Variants in CACNA2D3 observed in about 807,000 individuals in gnomAD.
CACNA2D3 encodes the protein calcium voltage-gated channel auxiliary subunit alpha2delta 3.
A neutral mutation model predicts 160.6 loss-of-function variants in CACNA2D3; 60 were observed. The observed-to-expected ratio is 0.37, with a 90% CI of 0.30 to 0.46. The LOEUF (loss-of-function observed/expected upper bound fraction) is 0.46. CACNA2D3 is among the 20% of genes least tolerant of loss of function. CACNA2D3 has a pLI of 1.00. For missense variants in CACNA2D3, 1,205 were observed against 1,365.0 expected (o/e 0.88, Z 1.85); for synonymous variants, 558 against 492.9 (o/e 1.13, Z -1.75).
intron 35 of CACNA2D3, among the ~76,000 whole-genome samples, chr3:55,045,899 C>T (rs923716160): frequency 5.3e-5 from 8 of 151,824 alleles, no homozygotes; most frequent in Non-Finnish European, 8.8e-5. Flanking sequence ...CTAATATTCT[C>T]TTCTTCATTG....
intron 2 of CACNA2D3, among the ~76,000 whole-genome samples, chr3:54,136,666 G>C (rs535994112): frequency 6.6e-6 from 1 of 152,172 alleles, no homozygotes; most frequent in Non-Finnish European, 1.5e-5. Flanking sequence ...GCCCATGCCC[G>C]TGCCATTGCC....
At chr3:54,480,024 C>T (rs938597955) in intron 4 of CACNA2D3, among the ~76,000 whole-genome samples, 1 of 152,038 alleles carries the variant, frequency 6.6e-6, no homozygotes, top group South Asian at 2.1e-4. Flanking sequence ...TTGCTCATCC[C>T]CAAACTCCAT....
intron 13 of CACNA2D3, among the ~76,000 whole-genome samples, chr3:54,793,718 C>T (rs903937885): frequency 2.0e-5 from 3 of 152,124 alleles, no homozygotes; most frequent in African/African-American, 7.2e-5. Context: ...ATTTGTTTGT[C>T]GGGTTTTAAT....
chr3:54,272,285 G>C (rs1702638191), intron 2 of CACNA2D3, among the ~76,000 whole-genome samples: 1 of 152,186 alleles, frequency 6.6e-6, no homozygotes, highest in Non-Finnish European at 1.5e-5. Context: ...CTCAAGGCTA[G>C]AGCAGTTTTG....
Position 54,645,588 on chromosome 3 carries a change from C to T in CACNA2D3, c.1167+3347C>T, listed in dbSNP as rs530429181. On this transcript the variant is annotated intron_variant, in intron 11 of 37. Coordinates refer to ENST00000474759, the MANE Select transcript of CACNA2D3 (RefSeq NM_018398.3). ...CCCACTTCACTCATATGGTTTCCCT[C>T]CCACAGGTGTGGAGTTCCTGACCAC... 2.6e-4 allele frequency among the ~76,000 whole-genome samples: 39 copies of T among 152,272 alleles called. 1 individual carries two copies. Among genetic ancestry groups the T allele is most frequent in the Middle Eastern group, 3.4e-3 (1 of 294 alleles).
At chr3:54,677,944 CAT>C (rs920070656) in intron 11 of CACNA2D3, among the ~76,000 whole-genome samples, 16 of 152,084 alleles carry the variant, frequency 1.1e-4, no homozygotes, top group Admixed American at 3.3e-4. Flanking sequence ...CTGAGGGACA[CAT>C]GTGTGATGAG....
chr3:54,284,802 A>T (rs2107467707), intron 2 of CACNA2D3, among the ~76,000 whole-genome samples: 1 of 152,360 alleles, frequency 6.6e-6, no homozygotes, highest in Non-Finnish European at 1.5e-5. Flanking sequence ...AAGATGTTCT[A>T]AAATAAGGGA....
chr3:54,793,121 G>A (rs2106651786), intron 13 of CACNA2D3, among the ~76,000 whole-genome samples: 1 of 152,340 alleles, frequency 6.6e-6, no homozygotes, highest in South Asian at 2.1e-4. Context: ...AAAGGACTGG[G>A]GAGTGAGGGA....
intron 4 of CACNA2D3, among the ~76,000 whole-genome samples, chr3:54,484,488 A>T (rs1405434382): frequency 2.0e-5 from 3 of 152,114 alleles, no homozygotes; most frequent in Non-Finnish European, 4.4e-5. Context: ...GTAACCGGGG[A>T]TGGACATCAT....
intron 13 of CACNA2D3, among the ~76,000 whole-genome samples, chr3:54,813,811 A>G (rs1575490883): frequency 6.6e-6 from 1 of 151,068 alleles, no homozygotes; most frequent in Admixed American, 6.6e-5. Flanking sequence ...GCGCAGGGAA[A>G]TGTTTTGCCA....
intron 2 of CACNA2D3, among the ~76,000 whole-genome samples, chr3:54,143,484 T>C (rs1450382080): frequency 6.6e-6 from 1 of 152,140 alleles, no homozygotes; most frequent in African/African-American, 2.4e-5. Flanking sequence ...GGCCTTGTCA[T>C]TGTTAATTTT....
chr3:54,290,996 A>G (rs1703186474), intron 2 of CACNA2D3, among the ~76,000 whole-genome samples: 1 of 152,196 alleles, frequency 6.6e-6, no homozygotes, highest in African/African-American at 2.4e-5. Context: ...AACATGGCAC[A>G]TGTATACATA....
intron 27 of CACNA2D3, among the ~76,000 whole-genome samples, chr3:54,955,869 G>A (rs1370386457): frequency 1.3e-5 from 2 of 152,168 alleles, no homozygotes; most frequent in African/African-American, 4.8e-5. Context: ...CCTGGTGAGA[G>A]TCAAGGAGCA....
chr3:54,911,616 C>G (rs1700558603), intron 27 of CACNA2D3, among the ~76,000 whole-genome samples: 1 of 152,056 alleles, frequency 6.6e-6, no homozygotes, highest in African/African-American at 2.4e-5. Flanking sequence ...CTCAGCACTT[C>G]CACTGTTCCC....
At chr3:54,839,531 C>A (rs1698774736) in intron 16 of CACNA2D3, among the ~76,000 whole-genome samples, 1 of 152,214 alleles carries the variant, frequency 6.6e-6, no homozygotes, top group African/African-American at 2.4e-5. Context: ...ACCACATCCA[C>A]CCCCTTCTCC....
At chr3:54,614,469 C>G (rs1239293458) in intron 9 of CACNA2D3, among the ~76,000 whole-genome samples, 2 of 152,198 alleles carry the variant, frequency 1.3e-5, no homozygotes, top group African/African-American at 4.8e-5. Flanking sequence ...GTCACTTTGC[C>G]TGTCAGGTTT....
At chr3:54,509,290 T>TG (rs1491155440) in intron 5 of CACNA2D3, among the ~76,000 whole-genome samples, 2 of 24,958 alleles carry the variant, frequency 8.0e-5, no homozygotes, top group African/African-American at 1.1e-4. Flanking sequence ...TGTGTGTGTG[T>TG]TTGTGTGTGT....
At chr3:54,478,968 G>A (rs757830200) in intron 4 of CACNA2D3, among the ~76,000 whole-genome samples, 1 of 151,240 alleles carries the variant, frequency 6.6e-6, no homozygotes, top group Non-Finnish European at 1.5e-5. Flanking sequence ...TCATATATAG[G>A]TGATATGATT....
In CACNA2D3 at chr3:54,161,089, A is replaced by G. The variant is rs568173471; in HGVS notation, c.204+37495A>G. ...GCTGGCAGTTGTTTAGTAAGGGAGC[A>G]ATATGTTCATGAAAGACAGTGTCAT... On this transcript the variant is annotated intron_variant, in intron 2 of 37. Transcript: ENST00000474759. Among the ~76,000 whole-genome samples the G allele has an allele frequency of 2.6e-5, 4 of 152,332 alleles. No homozygotes were observed. In the East Asian group the frequency reaches 7.7e-4, roughly 29 times the overall value.
Sources: allele counts gnomAD v4.1 joint callset (sites outside exome capture counted in the v4.1 genomes callset), GRCh38; gene constraint gnomAD v4.1.1; transcripts MANE v1.5; gene names NCBI Gene and HGNC (gene_info 2026-07-23, HGNC 2026-07-21).